Variants in VPS8 observed in about 807,000 individuals in gnomAD.
VPS8 encodes VPS8 subunit of CORVET complex.
In VPS8, 129 loss-of-function variants were observed where a neutral mutation model predicts 216.4. That is an observed-to-expected ratio of 0.60 (90% confidence interval 0.52 to 0.69). VPS8 has a LOEUF of 0.69. VPS8 is among the 30% of genes least tolerant of loss of function. The pLI, the probability that VPS8 is intolerant of heterozygous loss-of-function variation, is 0.00. For synonymous variants in VPS8, 571 were observed against 565.4 expected (o/e 1.01, Z -0.14); for missense variants, 1,531 against 1,683.5 (o/e 0.91, Z 1.59).
At chr3:184,909,008 G>A (rs569464307) in intron 25 of VPS8, among the ~76,000 whole-genome samples, 26 of 152,300 alleles carry the variant, frequency 1.7e-4, no homozygotes, top group African/African-American at 6.0e-4. Context: ...GGTTTCATCC[G>A]GACCAGTAAT....
chr3:184,834,516 AAAAC>A, intron 4 of VPS8, 129 bp from the exon 5 acceptor site: 1 of 689,738 alleles, frequency 1.4e-6, no homozygotes, highest in Non-Finnish European at 2.3e-6. Flanking sequence ...AAAAGAAAAA[AAAAC>A]AGATCTAACA....
chr3:184,848,660 C>T (rs1366608822), intron 8 of VPS8, among the ~76,000 whole-genome samples: 3 of 150,664 alleles, frequency 2.0e-5, no homozygotes, highest in Non-Finnish European at 3.0e-5. Flanking sequence ...CCTCTGCCTC[C>T]CAAGTTTAAG....
chr3:184,862,181 C>G (rs1726509665), intron 15 of VPS8, among the ~76,000 whole-genome samples: 1 of 152,124 alleles, frequency 6.6e-6, no homozygotes, highest in African/African-American at 2.4e-5. Context: ...CTGGCGACTT[C>G]TGAATTCTGA....
At chr3:185,001,676 C>T (rs1181795146) in intron 45 of VPS8, among the ~76,000 whole-genome samples, 1 of 152,188 alleles carries the variant, frequency 6.6e-6, no homozygotes, top group African/African-American at 2.4e-5. Context: ...GCCCCTCTCC[C>T]CTCTGCACAG....
intron 45 of VPS8, among the ~76,000 whole-genome samples, chr3:185,002,665 A>G (rs1434076638): frequency 6.6e-6 from 1 of 152,096 alleles, no homozygotes; most frequent in Non-Finnish European, 1.5e-5. Flanking sequence ...TTTGCATTCC[A>G]TAGTTAAGCT....
chr3:185,014,075 A>C (rs1036990580), intron 45 of VPS8, among the ~76,000 whole-genome samples: 1 of 152,210 alleles, frequency 6.6e-6, no homozygotes, highest in African/African-American at 2.4e-5. Flanking sequence ...TCATAGAGTG[A>C]TTACATACAG....
At chr3:184,814,284 C>T (rs1277485534) in intron 1 of VPS8, among the ~76,000 whole-genome samples, 3 of 152,206 alleles carry the variant, frequency 2.0e-5, no homozygotes, top group Non-Finnish European at 4.4e-5. Flanking sequence ...TGTCTCTCTC[C>T]CTTTCTGCAA....
At chr3:184,818,056 A>G (rs1364884319) in intron 1 of VPS8, among the ~76,000 whole-genome samples, 1 of 152,208 alleles carries the variant, frequency 6.6e-6, no homozygotes, top group Non-Finnish European at 1.5e-5. Flanking sequence ...AGGAAAGGGA[A>G]GGTGAATCAG....
chr3:185,044,239 C>T (rs902575357), intron 46 of VPS8, among the ~76,000 whole-genome samples: 12 of 152,220 alleles, frequency 7.9e-5, no homozygotes, highest in East Asian at 1.9e-4. Flanking sequence ...AGACTGCTGC[C>T]GAGAGAATGG....
chr3:184,910,204 G>T (rs1313782539), intron 25 of VPS8, among the ~76,000 whole-genome samples: 1 of 148,504 alleles, frequency 6.7e-6, no homozygotes, highest in Non-Finnish European at 1.5e-5. Context: ...CGCTATCTCG[G>T]CTCACTGCAA....
chr3:184,836,231 G>C (rs563896875), intron 5 of VPS8: 1 of 455,974 alleles, frequency 2.2e-6, no homozygotes, highest in East Asian at 6.9e-5. Flanking sequence ...CTGGGCAATT[G>C]TTCTTCCTCT....
At chr3:185,018,888 G>A (rs577919678) in intron 45 of VPS8, among the ~76,000 whole-genome samples, 1 of 152,184 alleles carries the variant, frequency 6.6e-6, no homozygotes, top group South Asian at 2.1e-4. Context: ...CAGTCACTGG[G>A]GCAACTACTT....
At chr3:184,921,486 G>C (rs1291494755) in intron 29 of VPS8, among the ~76,000 whole-genome samples, 1 of 152,158 alleles carries the variant, frequency 6.6e-6, no homozygotes, top group Non-Finnish European at 1.5e-5. Flanking sequence ...ACCGTGTAAG[G>C]CCCCTTGGTT....
intron 21 of VPS8, among the ~76,000 whole-genome samples, chr3:184,884,990 G>A (rs1045515945): frequency 6.6e-6 from 1 of 152,184 alleles, no homozygotes; most frequent in East Asian, 1.9e-4. Context: ...GAGATTTGCT[G>A]TAGCTCTAAC....
intron 45 of VPS8, among the ~76,000 whole-genome samples, chr3:185,000,538 C>G (rs1392777982): frequency 6.6e-6 from 1 of 151,950 alleles, no homozygotes; most frequent in Non-Finnish European, 1.5e-5. Flanking sequence ...TCTGTGCTAC[C>G]CTATCCTATA....
At chr3:184,816,492 T>TC (rs1716352801) in intron 1 of VPS8, among the ~76,000 whole-genome samples, 1 of 152,224 alleles carries the variant, frequency 6.6e-6, no homozygotes, top group Non-Finnish European at 1.5e-5. Flanking sequence ...TTGGGCTTTT[T>TC]CGTCGTGGCA....
Position 184,849,981 on chromosome 3 carries a change from A to G in VPS8, c.712A>G (p.Thr238Ala), listed in dbSNP as rs755685702. The G allele has an allele frequency of 1.3e-5, 21 of 1,613,348 alleles. No homozygotes were observed. Among genetic ancestry groups the G allele is most frequent in the Admixed American group, 1.0e-4 (6 of 59,922 alleles). Residue 238 changes from threonine (T) to alanine (A), a missense_variant, in exon 10 of 48, where the codon ACA (threonine) becomes GCA (alanine). Thr to Ala is a moderately conservative substitution (Grantham distance 58, BLOSUM62 0). Coordinates refer to ENST00000625842, the MANE Select transcript of VPS8 (RefSeq NM_001009921.3). ...LASGKLLRSI[T>A]DAHPPGTAIL... The stretch of plus-strand genomic sequence containing the variant: ...CAGTGGAAAACTTCTAAGATCAATA[A>G]CAGATGCTCATCCTCCAGGAACAGC...
At chr3:185,024,458 A>C in intron 46 of VPS8, 69 bp downstream of exon 46, 10 of 1,434,208 alleles carry the variant, frequency 7.0e-6, no homozygotes, top group Non-Finnish European at 8.6e-6. Context: ...GTGGAACAAT[A>C]TTCTCAACAT....
chr3:184,835,283 T>C (rs756054638), intron 5 of VPS8, among the ~76,000 whole-genome samples: 1 of 152,200 alleles, frequency 6.6e-6, no homozygotes, highest in Non-Finnish European at 1.5e-5. Context: ...TCTTAGATCA[T>C]TCTGTTAGGA....
Sources: allele counts gnomAD v4.1 joint callset (sites outside exome capture counted in the v4.1 genomes callset), GRCh38; gene constraint gnomAD v4.1.1; transcripts MANE v1.5; gene names NCBI Gene and HGNC (gene_info 2026-07-23, HGNC 2026-07-21).